The following ZNF496 variants were observed in gnomAD, a reference collection of about 807,000 sequenced individuals.
The protein encoded by ZNF496 is zinc finger protein 496.
In ZNF496, 11 loss-of-function variants were observed where a neutral mutation model predicts 58.9. The observed-to-expected ratio is 0.19, with a 90% CI of 0.12 to 0.31. ZNF496 has a LOEUF of 0.31. Among genes scored for constraint, ZNF496 ranks in the 10% least tolerant of loss-of-function variants. The pLI is 1.00. For synonymous variants in ZNF496, 338 were observed against 318.2 expected (o/e 1.06, Z -0.66); for missense variants, 660 against 783.0 (o/e 0.84, Z 1.88).
rs558310027 is a variant in ZNF496 at position 247,299,974 on chromosome 1, G to C, written c.*545C>G. 2.0e-5 allele frequency: 3 copies of C among 152,438 alleles called. No individual in the cohort carries two copies. 9.4% of individuals were successfully genotyped at this position (152,438 alleles called of 1,614,324 possible). A position where few individuals can be genotyped will look rare whatever the true frequency, so the allele number is the denominator to read the frequency against. Reference sequence around the variant, plus strand: ...GGCCACGAATCTGGGGCTCAGACATGACATGTCTGGCTCAGTGTGCCTGGC... The same window carrying C: ...GGCCACGAATCTGGGGCTCAGACATCACATGTCTGGCTCAGTGTGCCTGGC... On this transcript the variant is annotated 3_prime_UTR_variant, in exon 10 of 10. Coordinates refer to ENST00000682384, the MANE Select transcript of ZNF496 (RefSeq NM_032752.3).
chr1:247,301,818 T>C (rs987950116), intron 9 of ZNF496, among the ~76,000 whole-genome samples: 2 of 152,220 alleles, frequency 1.3e-5, no homozygotes, highest in Non-Finnish European at 2.9e-5. Context: ...TTGGTTGCCA[T>C]GTTTACACAT....
chr1:247,323,841 G>A (rs781750784), intron 5 of ZNF496, among the ~76,000 whole-genome samples: 11 of 151,944 alleles, frequency 7.2e-5, no homozygotes, highest in Admixed American at 2.6e-4. Context: ...GGGTCTGGAT[G>A]TGGTGGCTCA....
intron 6 of ZNF496, among the ~76,000 whole-genome samples, chr1:247,317,350 CA>C (rs1463625152): frequency 6.6e-6 from 1 of 152,212 alleles, no homozygotes; most frequent in Non-Finnish European, 1.5e-5. Context: ...AGGACCTGGA[CA>C]GGGGCAGCCC....
chr1:247,331,330 A>C (rs1660322006), intron 2 of ZNF496, 102 bp downstream of exon 2: 1 of 152,296 alleles, frequency 6.6e-6, no homozygotes, highest in African/African-American at 2.4e-5. Context: ...CAGAAAGGGA[A>C]GGAGAAGGTC....
At chr1:247,320,940 C>T (rs541874191) in intron 6 of ZNF496, among the ~76,000 whole-genome samples, 75 of 152,092 alleles carry the variant, frequency 4.9e-4, no homozygotes, top group East Asian at 2.3e-3. Context: ...TTTGGGAGGC[C>T]GAGGCAGGTG....
chr1:247,314,717 C>A (rs1482162913), intron 6 of ZNF496, among the ~76,000 whole-genome samples: 1 of 152,132 alleles, frequency 6.6e-6, no homozygotes, highest in East Asian at 1.9e-4. Context: ...GGCCAGGCAC[C>A]CAGGACACGG....
intron 9 of ZNF496, 78 bp from the exon 10 acceptor site, chr1:247,301,354 T>C: frequency 6.8e-7 from 1 of 1,464,674 alleles, no homozygotes; most frequent in South Asian, 1.5e-5. Flanking sequence ...GGAGGAACAC[T>C]CAGCTTGGAG....
rs1201015487 is a variant in ZNF496, at chr1:247,300,588, G to A, written c.1695C>T (p.Asn565=). 2 of 1,614,088 alleles carry A rather than the reference G, an allele frequency of 1.2e-6. No individual in the cohort carries two copies. Among genetic ancestry groups the A allele is most frequent in the East Asian group, 2.2e-5 (1 of 44,876 alleles). ...CRYCVKSFTQ[N]YDLLRHERLH... is the part of the protein sequence containing the mutation. The stretch of plus-strand genomic sequence containing the variant: ...GGCGCTCGTGGCGGAGGAGGTCATA[G>A]TTCTGCGTGAAGCTCTTGACGCAGT... Residue 565 remains asparagine (N), a synonymous_variant, in exon 10 of 10, where the codon AAC becomes AAT. Transcript: ENST00000682384. The surrounding 1 kb of genome is among the most constrained non-coding windows in gnomAD (Gnocchi z 5.7).
At chr1:247,314,825 C>A (rs1659719857) in intron 6 of ZNF496, among the ~76,000 whole-genome samples, 2 of 152,170 alleles carry the variant, frequency 1.3e-5, no homozygotes, top group South Asian at 2.1e-4. Flanking sequence ...TGGCTCACGG[C>A]AACCGCTGCT....
chr1:247,302,437 T>C (rs1019027762), intron 9 of ZNF496, among the ~76,000 whole-genome samples: 11 of 151,656 alleles, frequency 7.3e-5, no homozygotes, highest in African/African-American at 2.7e-4. Flanking sequence ...CCACGTAGTA[T>C]AGGAGGGAAA....
intron 6 of ZNF496, 50 bp downstream of exon 6, chr1:247,323,104 C>G: frequency 2.6e-6 from 4 of 1,511,542 alleles, no homozygotes; most frequent in Non-Finnish European, 3.7e-6. Flanking sequence ...GCCCTGTAGC[C>G]TACAGAGGCA....
intron 9 of ZNF496, 99 bp from the exon 10 acceptor site, chr1:247,301,375 C>T (rs935016157): frequency 2.7e-5 from 39 of 1,428,312 alleles, no homozygotes; most frequent in Non-Finnish European, 3.4e-5. Flanking sequence ...TTTACAAACC[C>T]GTGTTTTTAC....
chr1:247,305,226 G>T (rs1659372263), intron 9 of ZNF496, among the ~76,000 whole-genome samples: 1 of 152,168 alleles, frequency 6.6e-6, no homozygotes, highest in African/African-American at 2.4e-5. Flanking sequence ...AGTAAGCCAA[G>T]ATCGCGCCAC....
intron 6 of ZNF496, among the ~76,000 whole-genome samples, chr1:247,321,473 G>C (rs1484164445): frequency 6.6e-6 from 1 of 152,050 alleles, no homozygotes; most frequent in Non-Finnish European, 1.5e-5. Flanking sequence ...TAACACCACT[G>C]AACCGCACAC....
Position 247,309,731 on chromosome 1 carries a change from T to G in ZNF496, c.860A>C (p.Gln287Pro), listed in dbSNP as rs556332273. The stretch of plus-strand genomic sequence containing the variant: ...GGAGACCTGGGGCACTTCTTTGCCC[T>G]GGAGATCCTGCAACTCTGGAACGCG... ...EPRVPELQDL[Q>P]GKEVPQVSYL... Residue 287 changes from glutamine to proline, a missense_variant, in exon 8 of 10, where the codon CAG becomes CCG. By Grantham distance (76) the Gln-to-Pro change is moderately conservative. Coordinates refer to ENST00000682384, the MANE Select transcript of ZNF496 (RefSeq NM_032752.3). The surrounding 1 kb of genome is among the most constrained non-coding windows in gnomAD (Gnocchi z 4.3). 16 of 1,614,178 alleles carry G rather than the reference T, an allele frequency of 9.9e-6. No homozygotes were observed. The African/African-American group carries it at 1.2e-4, about 12-fold the overall frequency.
chr1:247,310,813 T>G (rs889387571), intron 6 of ZNF496: 2 of 188,092 alleles, frequency 1.1e-5, no homozygotes, highest in Non-Finnish European at 2.2e-5. Flanking sequence ...TACCATCATC[T>G]TGGGGATTAC....
At chr1:247,322,905 G>A in intron 6 of ZNF496, 2 of 871,748 alleles carry the variant, frequency 2.3e-6, no homozygotes, top group Non-Finnish European at 3.4e-6. Context: ...TTTGTTTCCT[G>A]CTATCGTCTG....
intron 5 of ZNF496, among the ~76,000 whole-genome samples, chr1:247,328,325 CCA>C (rs977823012): frequency 6.6e-6 from 1 of 152,134 alleles, no homozygotes; most frequent in African/African-American, 2.4e-5. Flanking sequence ...TGGCCATGCT[CCA>C]GTCATGCAGC....
At chr1:247,301,586 A>G (rs1659241367) in intron 9 of ZNF496, among the ~76,000 whole-genome samples, 1 of 151,934 alleles carries the variant, frequency 6.6e-6, no homozygotes, top group African/African-American at 2.4e-5. Context: ...CATCCCCCCA[A>G]GCTCTAGGAG....
Sources: allele counts gnomAD v4.1 joint callset (sites outside exome capture counted in the v4.1 genomes callset), GRCh38; gene constraint gnomAD v4.1.1; non-coding constraint Gnocchi (gnomAD v3.1); transcripts MANE v1.5; gene names NCBI Gene and HGNC (gene_info 2026-07-23, HGNC 2026-07-21).